Variants in MAST4 observed in about 807,000 individuals in gnomAD.
The protein encoded by MAST4 is microtubule-associated serine/threonine-protein kinase 4.
MAST4 carries 89 observed loss-of-function variants against 162.7 expected under a neutral mutation model. That is an observed-to-expected ratio of 0.55 (90% CI 0.46 to 0.65). The LOEUF is 0.65. Among genes scored for constraint, MAST4 ranks in the 30% least tolerant of loss-of-function variants. The pLI, the probability that MAST4 is intolerant of heterozygous loss-of-function variation, is 0.00. For missense variants in MAST4, 3,153 were observed against 3,374.0 expected, an observed-to-expected ratio of 0.93 and a Z score of 1.62; for synonymous variants, 1,479 against 1,361.1, an observed-to-expected ratio of 1.09 and a Z score of -1.91.
At chr5:66,793,832 C>T (rs181490903) in intron 3 of MAST4, among the ~76,000 whole-genome samples, 31 of 152,294 alleles carry the variant, frequency 2.0e-4, no homozygotes, top group African/African-American at 7.5e-4. Context: ...TATTTCATTT[C>T]CTTCATTCAT....
At chr5:66,619,066 G>A (rs1407921879) in intron 1 of MAST4, among the ~76,000 whole-genome samples, 2 of 152,312 alleles carry the variant, frequency 1.3e-5, no homozygotes, top group East Asian at 3.9e-4. Context: ...GAAGAAATTA[G>A]CAGGTGAAGA....
At chr5:66,929,860 T>C (rs1741987763) in intron 4 of MAST4, among the ~76,000 whole-genome samples, 1 of 152,206 alleles carries the variant, frequency 6.6e-6, no homozygotes, top group African/African-American at 2.4e-5. Flanking sequence ...GGAAGTAGCT[T>C]GAGTCTGATG....
chr5:67,120,097 C>G (rs1017676598), intron 13 of MAST4, among the ~76,000 whole-genome samples: 5 of 152,102 alleles, frequency 3.3e-5, no homozygotes, highest in African/African-American at 1.2e-4. Context: ...GGGCCAGAGG[C>G]CAAAGGGGAG....
chr5:66,967,003 C>T (rs183809929), intron 4 of MAST4, among the ~76,000 whole-genome samples: 46 of 152,124 alleles, frequency 3.0e-4, no homozygotes, highest in African/African-American at 1.0e-3. Context: ...ATAGTGTGCC[C>T]CAAAATGATG....
intron 4 of MAST4, among the ~76,000 whole-genome samples, chr5:66,912,050 G>A (rs1391284124): frequency 6.6e-6 from 1 of 152,144 alleles, no homozygotes; most frequent in Non-Finnish European, 1.5e-5. Context: ...GGTCAGCTTT[G>A]AGGCAGAGAG....
rs1191423407 is a variant in MAST4 at position 67,163,773 on chromosome 5, C to A, written c.4594C>A (p.Leu1532Met). The change falls in exon 29 of 29, where the codon CTG becomes ATG. Residue 1532 changes from leucine (L) to methionine (M), a missense_variant. By Grantham distance (15) the Leu-to-Met change is conservative (BLOSUM62 2). This residue lies in a region of MAST4 where 1,644 missense variants were observed against 1,495.0 expected (regional missense o/e 1.10). Coordinates refer to ENST00000403625, the MANE Select transcript of MAST4 (RefSeq NM_001164664.2). The surrounding 1 kb of genome is among the most constrained non-coding windows in gnomAD (Gnocchi z 7.0). ...TGTGGACGACCTGGACCGCGACAAGCTGAAGGCCAAGGTGGTGGTGAAGAA... is the reference window on the plus strand; with the variant it reads ...TGTGGACGACCTGGACCGCGACAAGATGAAGGCCAAGGTGGTGGTGAAGAA... ...ESVDDLDRDK[L>M]KAKVVVKKAD... 4.3e-6 allele frequency: 7 copies of A among 1,611,026 alleles called. No individual in the cohort carries two copies. The South Asian group carries it at 7.7e-5, about 18-fold the overall frequency.
At chr5:66,640,026 G>C (rs1304867837) in intron 1 of MAST4, among the ~76,000 whole-genome samples, 3 of 151,990 alleles carry the variant, frequency 2.0e-5, no homozygotes, top group Non-Finnish European at 4.4e-5. Flanking sequence ...CTGTACATTT[G>C]ATCTTTAGGC....
chr5:66,940,102 T>C (rs948451155), intron 4 of MAST4, among the ~76,000 whole-genome samples: 1 of 152,158 alleles, frequency 6.6e-6, no homozygotes, highest in South Asian at 2.1e-4. Flanking sequence ...TATGTATATA[T>C]GTATATGTAT....
intron 4 of MAST4, among the ~76,000 whole-genome samples, chr5:66,905,264 G>A (rs775241052): frequency 3.8e-5 from 5 of 131,802 alleles, no homozygotes; most frequent in South Asian, 2.4e-4. Flanking sequence ...CCGAGATCGC[G>A]CCCACGCCAG....
At chr5:66,978,867 A>C (rs1281806593) in intron 4 of MAST4, among the ~76,000 whole-genome samples, 1 of 152,178 alleles carries the variant, frequency 6.6e-6, no homozygotes, top group African/African-American at 2.4e-5. Context: ...AGGTTTTTTA[A>C]CTAGCAAAAT....
intron 3 of MAST4, among the ~76,000 whole-genome samples, chr5:66,809,319 C>A (rs1756360072): frequency 6.6e-6 from 1 of 152,196 alleles, no homozygotes; most frequent in Non-Finnish European, 1.5e-5. Context: ...CTTTTCTAAT[C>A]AACTAGAGGA....
intron 4 of MAST4, among the ~76,000 whole-genome samples, chr5:67,014,324 T>C (rs1753033214): frequency 6.6e-6 from 1 of 152,238 alleles, no homozygotes. Flanking sequence ...ATTTCCATAG[T>C]AGGTCCCTAA....
chr5:66,635,976 CG>C (rs1745094109), intron 1 of MAST4, among the ~76,000 whole-genome samples: 1 of 20,546 alleles, frequency 4.9e-5, no homozygotes, highest in Admixed American at 4.8e-4. Context: ...TTTTTTTTTT[CG>C]AGACAGAGTC....
intron 3 of MAST4, among the ~76,000 whole-genome samples, chr5:66,856,298 G>C (rs994608688): frequency 6.6e-6 from 1 of 152,222 alleles, no homozygotes; most frequent in Non-Finnish European, 1.5e-5. Flanking sequence ...AGGCCTCCCT[G>C]ACTCCCGATT....
chr5:66,626,217 A>G (rs1332983785), intron 1 of MAST4, among the ~76,000 whole-genome samples: 1 of 152,162 alleles, frequency 6.6e-6, no homozygotes, highest in South Asian at 2.1e-4. Context: ...ATTTTATTAT[A>G]TACTTAGAAT....
At chr5:67,044,070 G>A (rs1581317762) in intron 4 of MAST4, among the ~76,000 whole-genome samples, 1 of 152,314 alleles carries the variant, frequency 6.6e-6, no homozygotes, top group Admixed American at 6.5e-5. Context: ...TGTGAGTTTT[G>A]AATGACTTTA....
chr5:67,013,798 G>A (rs1752967958), intron 4 of MAST4, among the ~76,000 whole-genome samples: 1 of 152,140 alleles, frequency 6.6e-6, no homozygotes, highest in African/African-American at 2.4e-5. Flanking sequence ...AAGGGGTTGA[G>A]GGAAAAAATT....
chr5:66,916,096 G>A (rs1332152534), intron 4 of MAST4, among the ~76,000 whole-genome samples: 1 of 152,198 alleles, frequency 6.6e-6, no homozygotes, highest in East Asian at 1.9e-4. Context: ...TATGTTAATA[G>A]CATGCTGAAA....
intron 1 of MAST4, among the ~76,000 whole-genome samples, chr5:66,693,224 C>A (rs971166203): frequency 2.6e-5 from 4 of 152,044 alleles, no homozygotes; most frequent in African/African-American, 9.7e-5. Context: ...CATTAAAGAT[C>A]AGTGTTGTAA....
Sources: gnomAD v4.1 joint callset for allele counts (sites outside exome capture counted in the v4.1 genomes callset) on GRCh38, gnomAD v4.1.1 for gene constraint, gnomAD v4.1.1 regional missense constraint, Gnocchi (gnomAD v3.1) non-coding constraint, MANE v1.5 for transcripts, NCBI Gene and HGNC (gene_info 2026-07-23, HGNC 2026-07-21) for gene names.